The following TRPM4 variants were observed in gnomAD, a reference collection of about 807,000 sequenced individuals.
TRPM4 encodes the protein calcium-activated non-selective cation channel 1.
Under a neutral mutation model 135.6 loss-of-function variants are expected in TRPM4, and 124 were observed. That is an observed-to-expected ratio of 0.91 (90% CI 0.79 to 1.06). The LOEUF is 1.06. Ranked by LOEUF, TRPM4 falls within the 50% of genes least tolerant of loss-of-function variation. The pLI is 0.00. For missense variants in TRPM4, 1,658 were observed against 1,671.4 expected, an observed-to-expected ratio of 0.99 and a Z score of 0.14; for synonymous variants, 745 against 705.6, an observed-to-expected ratio of 1.06 and a Z score of -0.88.
In TRPM4 at chr19:49,211,261, G is replaced by A; in HGVS notation, c.3632G>A (p.Gly1211Glu). 6.3e-7 allele frequency: 1 copy of A among 1,582,022 alleles called. No individual in the cohort carries two copies. The change falls in exon 24 of 25, where the codon GGG becomes GAG. Residue 1211 changes from glycine to glutamate, a missense_variant. By Grantham distance (98) the Gly-to-Glu change is moderately conservative. Coordinates refer to ENST00000252826, the MANE Select transcript of TRPM4 (RefSeq NM_017636.4). This position sits in a 1 kb window ranked among gnomAD's most constrained non-coding sequence, Gnocchi z 4.8. Reference protein sequence around the residue: ...PGGPPPPDLPGSKD With the variant: ...PGGPPPPDLPESKD ...GGGCCGCCACCCCCTGACCTGCCTG[G>A]GTCCAAAGGTCAGTGTGTAGCATCA...
intron 18 of TRPM4, 55 bp from the exon 19 acceptor site, chr19:49,200,556 G>A: frequency 1.2e-6 from 2 of 1,605,112 alleles, no homozygotes; most frequent in South Asian, 2.2e-5. Flanking sequence ...TGGGATATAG[G>A]GGTGGGGCCA....
At chr19:49,163,441 G>C (rs980637868) in intron 2 of TRPM4, among the ~76,000 whole-genome samples, 1 of 151,674 alleles carries the variant, frequency 6.6e-6, no homozygotes, top group South Asian at 2.1e-4. Context: ...TGATCCGCCC[G>C]CCTTGGCCTC....
chr19:49,162,395 C>T (rs928913459), intron 2 of TRPM4, among the ~76,000 whole-genome samples: 7 of 151,914 alleles, frequency 4.6e-5, no homozygotes, highest in Admixed American at 1.3e-4. Context: ...AAAAACTAGC[C>T]AGGTACTGTG....
chr19:49,161,410 C>T (rs1298953694), intron 2 of TRPM4, among the ~76,000 whole-genome samples: 3 of 146,178 alleles, frequency 2.1e-5, no homozygotes, highest in African/African-American at 7.6e-5. Flanking sequence ...GCAGCCTTGA[C>T]CTGCTGGGCT....
Position 49,171,477 on chromosome 19 carries a change from T to C in TRPM4, c.858+59T>C. 1 of 1,610,726 alleles carries C rather than the reference T, an allele frequency of 6.2e-7. No individual in the cohort carries two copies. Among genetic ancestry groups the C allele is most frequent in the Non-Finnish European group, 8.5e-7 (1 of 1,177,248 alleles). The stretch of plus-strand genomic sequence containing the variant: ...AAGGAGGGTTGGGGGCCAGGACTCC[T>C]GGGTCCTGAGTCTTAGGGAGGGTCT... On this transcript the variant is annotated intron_variant, in intron 7 of 24. Transcript: ENST00000252826. The surrounding 1 kb of genome is among the most constrained non-coding windows in gnomAD (Gnocchi z 4.7).
chr19:49,198,696 T>C (rs1005237040), intron 17 of TRPM4, among the ~76,000 whole-genome samples: 1 of 151,162 alleles, frequency 6.6e-6, no homozygotes, highest in African/African-American at 2.4e-5. Context: ...ATCTCCGGAA[T>C]TGAATGGATG....
chr19:49,187,469 C>T (rs551577709), intron 12 of TRPM4, among the ~76,000 whole-genome samples: 1 of 151,916 alleles, frequency 6.6e-6, no homozygotes, highest in Non-Finnish European at 1.5e-5. Context: ...CTCAGCTTCC[C>T]TAGTAGCTGG....
In TRPM4 at chr19:49,196,754, G is replaced by A. The variant is rs1237522588; in HGVS notation, c.2525G>A (p.Ser842Asn). The change falls in exon 17 of 25, where the codon AGC (serine) becomes AAC (asparagine). Residue 842 changes from serine (S) to asparagine (N), a missense_variant. Physicochemically the swap from Ser to Asn is conservative, Grantham distance 46 (BLOSUM62 1). Coordinates refer to ENST00000252826, the MANE Select transcript of TRPM4 (RefSeq NM_017636.4). ...GLSGGGGSLASGGPGPGHASL... is the reference protein window; with the variant it reads ...GLSGGGGSLANGGPGPGHASL... Reference sequence around the variant, plus strand: ...AGCGGAGGCGGGGGCAGCCTCGCCAGCGGGGGCCCCGGGCCTGGCCATGCC... The same window carrying A: ...AGCGGAGGCGGGGGCAGCCTCGCCAACGGGGGCCCCGGGCCTGGCCATGCC... The A allele has an allele frequency of 6.5e-7, 1 of 1,549,734 alleles. No individual in the cohort carries two copies. The highest frequency in any genetic ancestry group is 1.9e-5 in the Admixed American group (1 of 52,610).
At chr19:49,194,673 C>CTCCCTCCG (rs1454094776) in intron 16 of TRPM4, among the ~76,000 whole-genome samples, 1 of 144,734 alleles carries the variant, frequency 6.9e-6, no homozygotes, top group Admixed American at 7.0e-5. Context: ...CCCTCCCTCC[C>CTCCCTCCG]TTCCTTCCTT....
Position 49,210,537 on chromosome 19 carries a change from G to C in TRPM4, c.3328+132G>C. 1 of 1,417,908 alleles carries C rather than the reference G, an allele frequency of 7.1e-7. No individual in the cohort carries two copies. Among genetic ancestry groups the C allele is most frequent in the Non-Finnish European group, 9.7e-7 (1 of 1,027,372 alleles). The allele number at this position is 1,417,908 out of a possible 1,614,324, so 87.8% of individuals were successfully genotyped here. A position where few individuals can be genotyped will look rare whatever the true frequency, so the allele number is the denominator to read the frequency against. On this transcript the variant is annotated intron_variant, in intron 21 of 24. Transcript: ENST00000252826. This position sits in a 1 kb window ranked among gnomAD's most constrained non-coding sequence, Gnocchi z 4.1. ...GCGAGGGGCGGGGTTTAAGCAACAA[G>C]GGGCGGAGCTTAAGCACTGAGGGGC...
chr19:49,163,358 G>C (rs997878435), intron 2 of TRPM4, among the ~76,000 whole-genome samples: 1 of 151,540 alleles, frequency 6.6e-6, no homozygotes, highest in Non-Finnish European at 1.5e-5. Flanking sequence ...ACCATGCCCG[G>C]CTAATTTTTG....
At chr19:49,182,500 C>T in intron 10 of TRPM4, 78 bp from the exon 11 acceptor site, 2 of 1,113,168 alleles carry the variant, frequency 1.8e-6, no homozygotes, top group African/African-American at 3.1e-5. Context: ...ATCCATCCAT[C>T]CGTCCCTCAT....
At chr19:49,172,736 C>T (rs530364218) in intron 9 of TRPM4, among the ~76,000 whole-genome samples, 1 of 151,548 alleles carries the variant, frequency 6.6e-6, no homozygotes, top group African/African-American at 2.4e-5. Context: ...ATCCACACAT[C>T]CACTGACAAT....
At position 49,196,655 on chromosome 19, in the gene TRPM4, C is replaced by T. The variant is rs770963120; in HGVS notation, c.2426C>T (p.Pro809Leu). 1.5e-5 allele frequency: 23 copies of T among 1,546,606 alleles called. No individual in the cohort carries two copies. The highest frequency in any genetic ancestry group is 1.8e-5 in the Non-Finnish European group (21 of 1,149,746). ...RVLLVDFQPA[P>L]PGSLELLLYF... ...CTGCTCGTGGATTTCCAGCCGGCGC[C>T]GCCCGGCTCCCTGGAGCTGCTGCTC... Residue 809 changes from proline to leucine, a missense_variant, in exon 17 of 25, where the codon CCG (proline) becomes CTG (leucine). This residue lies in a region of TRPM4 where 1,412 missense variants were observed against 1,408.7 expected (regional missense o/e 1.00). Coordinates refer to ENST00000252826, the MANE Select transcript of TRPM4 (RefSeq NM_017636.4).
At chr19:49,208,771 C>A (rs1969243170) in intron 20 of TRPM4, among the ~76,000 whole-genome samples, 1 of 151,906 alleles carries the variant, frequency 6.6e-6, no homozygotes, top group Admixed American at 6.6e-5. Context: ...TTGCCGCCCA[C>A]ACATGGTGAA....
At chr19:49,185,552 C>A (rs1456038673) in intron 12 of TRPM4, among the ~76,000 whole-genome samples, 1 of 150,870 alleles carries the variant, frequency 6.6e-6, no homozygotes, top group Non-Finnish European at 1.5e-5. Context: ...CTATTAATTT[C>A]TTTTTTTTCC....
intron 6 of TRPM4, among the ~76,000 whole-genome samples, chr19:49,170,847 C>G (rs1967425822): frequency 6.6e-6 from 1 of 152,150 alleles, no homozygotes; most frequent in Non-Finnish European, 1.5e-5. Context: ...TTTGGGAGGC[C>G]AAGGTGGGAG....
intron 2 of TRPM4, chr19:49,158,997 G>GCCTCTCA (rs1420081321): frequency 6.6e-6 from 1 of 150,776 alleles, no homozygotes; most frequent in African/African-American, 2.4e-5. Context: ...TTCAGTGACG[G>GCCTCTCA]CCTCTCAAGC....
In TRPM4 at chr19:49,166,172, A is replaced by G. The variant is rs760746558; in HGVS notation, c.224A>G (p.Tyr75Cys). The G allele has an allele frequency of 1.2e-6, 2 of 1,609,244 alleles. No individual in the cohort carries two copies. The highest frequency in any genetic ancestry group is 1.7e-6 in the Non-Finnish European group (2 of 1,178,642). The change falls in exon 3 of 25, where the codon TAC becomes TGC. Residue 75 changes from tyrosine (Y) to cysteine (C), a missense_variant. Physicochemically the swap from Tyr to Cys is radical, Grantham distance 194. Transcript: ENST00000252826. ...AHTTEKPTDA[Y>C]GELDFTGAGR... ...ACCACGGAGAAGCCCACCGATGCCT[A>G]CGGAGAGCTGGACTTCACGGGGGCC... is the stretch of plus-strand genomic sequence containing the variant.
Sources: gnomAD v4.1 joint callset for allele counts (sites outside exome capture counted in the v4.1 genomes callset) on GRCh38, gnomAD v4.1.1 for gene constraint, gnomAD v4.1.1 regional missense constraint, Gnocchi (gnomAD v3.1) non-coding constraint, MANE v1.5 for transcripts, NCBI Gene and HGNC (gene_info 2026-07-23, HGNC 2026-07-21) for gene names.